ANK3: variants seen among roughly 807,000 people sequenced by gnomAD.
ANK3 encodes ankyrin 3.
ANK3 carries 57 observed loss-of-function variants against 370.9 expected under a neutral mutation model. The observed-to-expected ratio is 0.15, with a 90% CI of 0.12 to 0.19. ANK3 has a LOEUF of 0.19. ANK3 is among the 10% of genes least tolerant of loss of function. The pLI is 1.00. For missense variants in ANK3, 4,439 were observed against 5,302.1 expected (o/e 0.84, Z 5.06); for synonymous variants, 1,929 against 1,946.3 (o/e 0.99, Z 0.23).
chr10:60,377,771 G>A (rs979336966), intron 1 of ANK3, among the ~76,000 whole-genome samples: 6 of 152,144 alleles, frequency 3.9e-5, no homozygotes, highest in Non-Finnish European at 8.8e-5. Flanking sequence ...TTCAAGTTCA[G>A]CCTCTGAATT....
At chr10:60,385,589 C>A (rs1383462364) in intron 1 of ANK3, among the ~76,000 whole-genome samples, 1 of 152,102 alleles carries the variant, frequency 6.6e-6, no homozygotes, top group East Asian at 1.9e-4. Flanking sequence ...AAGAATGAAG[C>A]AATGAATATT....
In ANK3 at chr10:60,318,877, G is replaced by A. The variant is rs182661577; in HGVS notation, c.115-39238C>T. On this transcript the variant is annotated intron_variant, in intron 1 of 43. Transcript: ENST00000280772. ...CCAAATGCTATGATAATTTATGGAAGAAAACTTTCCTGAATCTAAGAAACA... is the reference window on the plus strand; with the variant it reads ...CCAAATGCTATGATAATTTATGGAAAAAAACTTTCCTGAATCTAAGAAACA... 3.1e-3 allele frequency among the ~76,000 whole-genome samples: 467 copies of A among 152,264 alleles called. 3 individuals carry two copies. Among genetic ancestry groups the A allele is most frequent in the African/African-American group, 0.011 (440 of 41,548 alleles).
Position 60,186,726 on chromosome 10 carries a change from G to A in ANK3, c.2074C>T (p.Leu692=). ...LLLGRNANVN[L]SNKSGLTPLH... ...AAGAAGTGGGTTACCTTATTGCTCA[G>A]GTTCACATTCGCATTTCTACCGAGG... The change falls in exon 17 of 44, where the codon CTG becomes TTG. Residue 692 remains leucine, a synonymous_variant. Coordinates refer to ENST00000280772, the MANE Select transcript of ANK3 (RefSeq NM_020987.5). 1 of 1,613,936 alleles carries A rather than the reference G, an allele frequency of 6.2e-7. No individual in the cohort carries two copies. Among genetic ancestry groups the A allele is most frequent in the Non-Finnish European group, 8.5e-7 (1 of 1,179,892 alleles).
At chr10:60,633,574 A>G (rs2078513368) in intron 1 of ANK3, among the ~76,000 whole-genome samples, 1 of 152,246 alleles carries the variant, frequency 6.6e-6, no homozygotes, top group South Asian at 2.1e-4. Flanking sequence ...ATAGATTTGG[A>G]TACAAAATGT....
intron 2 of ANK3, among the ~76,000 whole-genome samples, chr10:60,488,196 T>G (rs1365459589): frequency 7.9e-5 from 12 of 152,162 alleles, no homozygotes; most frequent in Non-Finnish European, 1.5e-4. Context: ...TGGATTTTCT[T>G]TGCATGTCAG....
chr10:60,039,403 T>C (rs1443772834), intron 43 of ANK3, among the ~76,000 whole-genome samples: 1 of 152,182 alleles, frequency 6.6e-6, no homozygotes, highest in Non-Finnish European at 1.5e-5. Context: ...AGCCCCCTTT[T>C]TTGGTATTTG....
intron 1 of ANK3, among the ~76,000 whole-genome samples, chr10:60,625,396 T>C (rs2078395431): frequency 6.6e-6 from 1 of 152,198 alleles, no homozygotes; most frequent in African/African-American, 2.4e-5. Flanking sequence ...ATAATTCACC[T>C]ACATCATTGT....
chr10:60,683,781 G>C (rs939807034), intron 1 of ANK3, among the ~76,000 whole-genome samples: 1 of 152,132 alleles, frequency 6.6e-6, no homozygotes, highest in African/African-American at 2.4e-5. Context: ...CTACACCCAG[G>C]TCTTCAATTC....
intron 2 of ANK3, among the ~76,000 whole-genome samples, chr10:60,408,913 C>A (rs1282187140): frequency 2.0e-5 from 3 of 152,122 alleles, no homozygotes; most frequent in African/African-American, 7.2e-5. Context: ...CAGTTAATAA[C>A]ACTGGGCACA....
rs1564475126 is a variant in ANK3 at position 60,027,309 on chromosome 10, A to ATTTTTT, written c.*2536_*2537insAAAAAA. On this transcript the variant is annotated 3_prime_UTR_variant, in exon 44 of 44. Coordinates refer to ENST00000280772, the MANE Select transcript of ANK3 (RefSeq NM_020987.5). ...AAGTTTTTTTTTTTTTTTTTTTTTAAAAAAAAAACCTCTCAAGGGTCTAAC... is the reference window on the plus strand; with the variant it reads ...AAGTTTTTTTTTTTTTTTTTTTTTAATTTTTTAAAAAAAACCTCTCAAGGGTCTAAC... 7,371 of 98,218 alleles carry ATTTTTT rather than the reference A, an allele frequency of 0.075. 174 individuals are homozygous for ATTTTTT. Among genetic ancestry groups the ATTTTTT allele is most frequent in the Non-Finnish European group, 0.11 (5,008 of 44,226 alleles). 6.1% of individuals were successfully genotyped at this position (98,218 alleles called of 1,614,324 possible).
chr10:60,482,620 G>T (rs2075253945), intron 2 of ANK3, among the ~76,000 whole-genome samples: 1 of 152,044 alleles, frequency 6.6e-6, no homozygotes, highest in Non-Finnish European at 1.5e-5. Context: ...TCTAGTAGCT[G>T]GGACTACAGG....
At chr10:60,242,943 C>A (rs1432178073) in intron 7 of ANK3, among the ~76,000 whole-genome samples, 1 of 152,068 alleles carries the variant, frequency 6.6e-6, no homozygotes, top group Admixed American at 6.6e-5. Flanking sequence ...TTGTCTAACC[C>A]CAAGTTCATA....
At chr10:60,576,178 G>A (rs745398781) in intron 2 of ANK3, among the ~76,000 whole-genome samples, 1 of 152,160 alleles carries the variant, frequency 6.6e-6, no homozygotes, top group Non-Finnish European at 1.5e-5. Context: ...GTTCACCAAA[G>A]AGGAAAACAC....
chr10:60,676,234 T>A (rs889467505), intron 1 of ANK3, among the ~76,000 whole-genome samples: 2 of 152,204 alleles, frequency 1.3e-5, no homozygotes, highest in African/African-American at 4.8e-5. Flanking sequence ...TAACAGTAGA[T>A]AATTCTTGCA....
At chr10:60,477,465 G>A (rs894615966) in intron 2 of ANK3, among the ~76,000 whole-genome samples, 2 of 149,856 alleles carry the variant, frequency 1.3e-5, no homozygotes, top group African/African-American at 2.5e-5. Context: ...TTGGGGCTAC[G>A]AAGTACAGGT....
chr10:60,397,513 C>T (rs1198246943), intron 2 of ANK3, among the ~76,000 whole-genome samples: 3 of 152,218 alleles, frequency 2.0e-5, no homozygotes, highest in East Asian at 3.9e-4. Context: ...TCACAGAGAA[C>T]AAAAACATTA....
Position 60,504,995 on chromosome 10 carries a change from G to A in ANK3, c.96+110191C>T, listed in dbSNP as rs7919328. Reference sequence around the variant, plus strand: ...TATAACTTTTCTATGTGTGAATATTGTTGTAGTTATCTAAAAAAAACTCCC... The same window carrying A: ...TATAACTTTTCTATGTGTGAATATTATTGTAGTTATCTAAAAAAAACTCCC... On this transcript the variant is annotated intron_variant, in intron 2 of 43. Transcript: ENST00000373827. 8.9e-3 allele frequency among the ~76,000 whole-genome samples: 1,350 copies of A among 152,130 alleles called. 8 individuals are homozygous for A. Among genetic ancestry groups the A allele is most frequent in the African/African-American group, 0.013 (551 of 41,520 alleles).
rs569499822 is a variant in ANK3 at position 60,415,918 on chromosome 10, CCCCCA to C, written c.97-136284_97-136280del. Among the ~76,000 whole-genome samples, 229 of 99,592 alleles carry C rather than the reference CCCCCA, an allele frequency of 2.3e-3. 30 individuals carry two copies. The highest frequency in any genetic ancestry group is 8.5e-3 in the African/African-American group (218 of 25,546). The allele number at this position is 99,592 out of a possible 152,430, so 65.3% of individuals were successfully genotyped here. A position where few individuals can be genotyped will look rare whatever the true frequency, so the allele number is the denominator to read the frequency against. ...TTCATTGTATGGTCTGAATTTGTGCCCCCCACCCCCCCGCCATTCATGTGTTGACA... is the reference window on the plus strand; with the variant it reads ...TTCATTGTATGGTCTGAATTTGTGCCCCCCCCCGCCATTCATGTGTTGACA... On this transcript the variant is annotated intron_variant, in intron 2 of 43. Coordinates refer to the ANK3 transcript ENST00000373827.
intron 25 of ANK3, among the ~76,000 whole-genome samples, chr10:60,120,864 T>C (rs1406874304): frequency 6.6e-6 from 1 of 152,158 alleles, no homozygotes; most frequent in African/African-American, 2.4e-5. Context: ...CCTCTTACAC[T>C]GTTGGTGGGA....
Sources: gnomAD v4.1 joint callset for allele counts (sites outside exome capture counted in the v4.1 genomes callset) on GRCh38, gnomAD v4.1.1 for gene constraint, MANE v1.5 for transcripts, NCBI Gene and HGNC (gene_info 2026-07-23, HGNC 2026-07-21) for gene names.